Variants in PALD1 observed in about 807,000 individuals in gnomAD.
PALD1 encodes paladin.
Under a neutral mutation model 96.0 loss-of-function variants are expected in PALD1, and 57 were observed. The observed-to-expected ratio is 0.59, with a 90% CI of 0.48 to 0.74. The LOEUF is 0.74. Among genes scored for constraint, PALD1 ranks in the 30% least tolerant of loss-of-function variants. The pLI is 0.00. For missense variants in PALD1, 1,063 were observed against 1,143.7 expected (o/e 0.93, Z 1.02); for synonymous variants, 464 against 473.6 (o/e 0.98, Z 0.26).
chr10:70,528,400 A>C (rs556885079), intron 2 of PALD1, among the ~76,000 whole-genome samples: 1 of 152,316 alleles, frequency 6.6e-6, no homozygotes, highest in African/African-American at 2.4e-5. Flanking sequence ...ACTGTGCCCC[A>C]GGCACTGGGC....
intron 10 of PALD1, among the ~76,000 whole-genome samples, chr10:70,535,335 G>C (rs1316147931): frequency 6.6e-6 from 1 of 152,192 alleles, no homozygotes; most frequent in Non-Finnish European, 1.5e-5. Flanking sequence ...AGCCACAGAG[G>C]CAGCTTCTTC....
intron 10 of PALD1, among the ~76,000 whole-genome samples, chr10:70,535,792 C>G (rs1175041632): frequency 6.6e-6 from 1 of 151,994 alleles, no homozygotes; most frequent in Non-Finnish European, 1.5e-5. Flanking sequence ...CCTCGAACTC[C>G]TAGACTCAAG....
intron 1 of PALD1, among the ~76,000 whole-genome samples, chr10:70,522,052 G>T (rs912809680): frequency 6.6e-6 from 1 of 152,092 alleles, no homozygotes; most frequent in East Asian, 1.9e-4. Context: ...AACCCATTAG[G>T]CAAATTAAGG....
At chr10:70,561,093 T>G (rs908378846) in intron 18 of PALD1, among the ~76,000 whole-genome samples, 6 of 152,180 alleles carry the variant, frequency 3.9e-5, no homozygotes, top group African/African-American at 1.4e-4. Context: ...TGGAGATAAT[T>G]CTACCTTTGC....
At chr10:70,465,879 A>G in the PALD1 span, among the ~76,000 whole-genome samples, 682 of 152,290 alleles carry the variant, frequency 4.5e-3, 4 homozygotes, top group Middle Eastern at 0.041. Flanking sequence ...TTACCCCCTG[A>G]GGCCCCAGTT....
rs369036783 is a variant in PALD1 at position 70,538,603 on chromosome 10, G to A, written c.1452+195G>A. ...CCAGCAAGCATTTGCAGCTTTGGCA[G>A]CTGTTCTGGTACCTTCTCCTCAGTC... On this transcript the variant is annotated intron_variant, in intron 12 of 19. Transcript: ENST00000263563. Among the ~76,000 whole-genome samples the A allele has an allele frequency of 1.0e-4, 15 of 149,936 alleles. No individual in the cohort carries two copies. In the South Asian group the frequency reaches 3.2e-3, roughly 32 times the overall value.
chr10:70,550,709 G>A (rs764179575), intron 18 of PALD1, among the ~76,000 whole-genome samples: 3 of 152,186 alleles, frequency 2.0e-5, no homozygotes, highest in Non-Finnish European at 4.4e-5. Flanking sequence ...TTTCGTATAA[G>A]TGGAATCATA....
At chr10:70,538,820 G>T in intron 12 of PALD1, 72 bp from the exon 13 acceptor site, 1 of 1,310,672 alleles carries the variant, frequency 7.6e-7, no homozygotes, top group Non-Finnish European at 1.1e-6. Flanking sequence ...CGTCTGCCTT[G>T]GGCCAGGTCC....
rs781687420 is a variant in PALD1 at position 70,529,215 on chromosome 10, C to A, written c.186-14C>A. 0.072 allele frequency: 18,482 copies of A among 257,882 alleles called. 1,178 individuals are homozygous for A. The highest frequency in any genetic ancestry group is 0.2 in the African/African-American group (6,314 of 31,398). 16.0% of individuals were successfully genotyped at this position (257,882 alleles called of 1,614,324 possible). On this transcript the variant is annotated splice_polypyrimidine_tract_variant and intron_variant, in intron 2 of 19. Coordinates refer to ENST00000263563, the MANE Select transcript of PALD1 (RefSeq NM_014431.3). ...TGACTCAGTTTCCATTCTGCCCCCC[C>A]CCCCCCCCCCCAGGTACAACTGCAA... is the stretch of plus-strand genomic sequence containing the variant.
chr10:70,511,443 A>G (rs976910230), intron 1 of PALD1, among the ~76,000 whole-genome samples: 2 of 152,144 alleles, frequency 1.3e-5, no homozygotes, highest in African/African-American at 4.8e-5. Flanking sequence ...GACAGGGAGG[A>G]AAGGGGTCTT....
In PALD1 at chr10:70,500,797, T is replaced by A. The variant is rs149329613; in HGVS notation, c.-30+21738T>A. Among the ~76,000 whole-genome samples the A allele has an allele frequency of 9.1e-3, 1,379 of 152,296 alleles. 22 individuals carry two copies. The highest frequency in any genetic ancestry group is 0.032 in the African/African-American group (1,312 of 41,560). ...TCTCTTGCTCTGGTCCGTGTGGAGT[T>A]GGCTGGAGCCGGTGCAATATGGCCC... On this transcript the variant is annotated intron_variant, in intron 1 of 19. Transcript: ENST00000263563.
At chr10:70,531,655 C>A (rs1320143181) in intron 5 of PALD1, among the ~76,000 whole-genome samples, 2 of 152,074 alleles carry the variant, frequency 1.3e-5, no homozygotes, top group African/African-American at 4.8e-5. Context: ...GCCTCTGCCC[C>A]TTTCCCACCC....
chr10:70,556,279 CCTCTCTCTCT>C (rs112574716), intron 18 of PALD1, among the ~76,000 whole-genome samples: 8 of 128,734 alleles, frequency 6.2e-5, no homozygotes, highest in African/African-American at 2.0e-4. Flanking sequence ...GTAGCCGAGA[CCTCTCTCTCT>C]CTCTCTCTCT....
chr10:70,537,204 C>G (rs945127), intron 10 of PALD1, among the ~76,000 whole-genome samples: 1 of 151,986 alleles, frequency 6.6e-6, no homozygotes, highest in Admixed American at 6.5e-5. Flanking sequence ...ACTTCCCAGG[C>G]TCAAGCGATT....
At chr10:70,518,359 A>C (rs993214344) in intron 1 of PALD1, among the ~76,000 whole-genome samples, 1 of 152,194 alleles carries the variant, frequency 6.6e-6, no homozygotes. Context: ...TGGGTACCTA[A>C]GAGTGGAATT....
At chr10:70,528,649 A>G (rs1846921851) in intron 2 of PALD1, among the ~76,000 whole-genome samples, 2 of 152,202 alleles carry the variant, frequency 1.3e-5, no homozygotes, top group South Asian at 2.1e-4. Context: ...TCTTCAGGGT[A>G]CAGGCTAGGC....
chr10:70,542,568 T>C (rs551765727), intron 17 of PALD1, among the ~76,000 whole-genome samples: 2 of 152,262 alleles, frequency 1.3e-5, no homozygotes, highest in Admixed American at 6.5e-5. Context: ...CTGAGCATAA[T>C]GTTCTCAAGG....
chr10:70,482,032 C>T (rs556280313), intron 1 of PALD1, among the ~76,000 whole-genome samples: 65 of 152,212 alleles, frequency 4.3e-4, no homozygotes, highest in African/African-American at 1.4e-3. Flanking sequence ...AGTGAGTGCT[C>T]AGTTGATGTG....
At chr10:70,514,277 A>C (rs1400317653) in intron 1 of PALD1, among the ~76,000 whole-genome samples, 1 of 152,244 alleles carries the variant, frequency 6.6e-6, no homozygotes. Flanking sequence ...GAAGGCTGGA[A>C]GTCAGGGCTG....
Sources: allele counts gnomAD v4.1 joint callset (sites outside exome capture counted in the v4.1 genomes callset), GRCh38; gene constraint gnomAD v4.1.1; transcripts MANE v1.5; gene names NCBI Gene and HGNC (gene_info 2026-07-23, HGNC 2026-07-21).